ACAD9: variants seen among roughly 807,000 people sequenced by gnomAD.
The protein encoded by ACAD9 is complex I assembly factor ACAD9, mitochondrial.
Under a neutral mutation model 70.2 loss-of-function variants are expected in ACAD9, and 53 were observed. The ratio of observed to expected loss-of-function variants is 0.75; its 90% CI spans 0.61 to 0.95. The LOEUF (loss-of-function observed/expected upper bound fraction) is 0.95. Ranked by LOEUF, ACAD9 falls within the 40% of genes least tolerant of loss-of-function variation. The pLI is 0.00. For synonymous variants in ACAD9, 313 were observed against 312.1 expected (o/e 1.00, Z -0.03); for missense variants, 777 against 802.8 (o/e 0.97, Z 0.39).
At position 128,902,496 on chromosome 3, in the gene ACAD9, C is replaced by T. The variant is rs369533425; in HGVS notation, c.883-57C>T. ...TGATCCACCTGGCCTGGTTTCGTTG[C>T]GGCCTCCTCCCTCTGCCTCCTTCAG... On this transcript the variant is annotated intron_variant, in intron 8 of 17. Coordinates refer to ENST00000308982, the MANE Select transcript of ACAD9 (RefSeq NM_014049.5). The surrounding 1 kb of genome is among the most constrained non-coding windows in gnomAD (Gnocchi z 4.0). 31 of 1,587,010 alleles carry T rather than the reference C, an allele frequency of 2.0e-5. No individual in the cohort carries two copies. The African/African-American group carries it at 3.2e-4, about 17-fold the overall frequency.
At chr3:128,887,920 G>C (rs62268185) in intron 2 of ACAD9, among the ~76,000 whole-genome samples, 7,549 of 152,200 alleles carry the variant, frequency 0.05, 389 homozygotes, top group African/African-American at 0.12. Context: ...GCAGCCAGCA[G>C]TGCCACGGAA....
intron 9 of ACAD9, 86 bp from the exon 10 acceptor site, chr3:128,903,976 G>T: frequency 7.1e-7 from 1 of 1,399,808 alleles, no homozygotes; most frequent in Non-Finnish European, 1.0e-6. Flanking sequence ...CCCACCTGTG[G>T]GAAGGGTAAG....
chr3:128,881,146 TG>T (rs1336288487), intron 1 of ACAD9, among the ~76,000 whole-genome samples: 2 of 152,236 alleles, frequency 1.3e-5, no homozygotes, highest in Admixed American at 1.3e-4. Context: ...AAAAGCAGTT[TG>T]CCCAGCTAGA....
intron 6 of ACAD9, 140 bp from the exon 7 acceptor site, chr3:128,899,147 G>C: frequency 2.5e-6 from 2 of 795,008 alleles, no homozygotes; most frequent in Non-Finnish European, 4.1e-6. Flanking sequence ...ACTCATGCTT[G>C]GTTGGCTTCT....
chr3:128,899,215 T>C, intron 6 of ACAD9, 72 bp from the exon 7 acceptor site: 1 of 1,545,616 alleles, frequency 6.5e-7, no homozygotes, highest in Non-Finnish European at 8.9e-7. Flanking sequence ...TGGAGCTTGA[T>C]GGACAAAGAC....
intron 1 of ACAD9, chr3:128,880,167 T>G: frequency 1.7e-6 from 1 of 602,910 alleles, no homozygotes; most frequent in African/African-American, 1.9e-5. Context: ...TGTGCGGGGC[T>G]TCCTCTCTGA....
intron 7 of ACAD9, 61 bp downstream of exon 7, chr3:128,899,522 C>CA (rs1553731022): frequency 7.0e-6 from 8 of 1,146,296 alleles, no homozygotes; most frequent in Middle Eastern, 2.5e-4. Flanking sequence ...TGGCCTTTGA[C>CA]GGTGTGTGTG....
rs1170578635 is a variant in ACAD9 at position 128,896,510 on chromosome 3, A to G, written c.528A>G (p.Ala176=). ...AACTGGCGTCCGGGGAGCACATTGC[A>G]GCCTTCTGCCTCACGGAGCCAGCCA... ...LPKLASGEHI[A]AFCLTEPASG... The change falls in exon 5 of 18, where the codon GCA becomes GCG. Residue 176 remains alanine (A), a synonymous_variant. Transcript: ENST00000308982. The G allele has an allele frequency of 6.2e-7, 1 of 1,614,198 alleles. No individual in the cohort carries two copies. The highest frequency in any genetic ancestry group is 1.1e-5 in the South Asian group (1 of 91,088).
In ACAD9 at chr3:128,912,787, C is replaced by CAG. The variant is rs752061381; in HGVS notation, c.*181_*182dup. Reference sequence around the variant, plus strand: ...CCTCTTCCAGGTTTTGACCTGCAGGCAGTGCTCTCTAACAGGACCATCACA... The same window carrying CAG: ...CCTCTTCCAGGTTTTGACCTGCAGGCAGAGTGCTCTCTAACAGGACCATCACA... On this transcript the variant is annotated 3_prime_UTR_variant, in exon 18 of 18. Coordinates refer to ENST00000308982, the MANE Select transcript of ACAD9 (RefSeq NM_014049.5). 3.9e-5 allele frequency: 29 copies of CAG among 741,328 alleles called. No homozygotes were observed. The highest frequency in any genetic ancestry group is 2.8e-4 in the Admixed American group (16 of 58,026). The allele number at this position is 741,328 out of a possible 1,614,324, so 45.9% of individuals were successfully genotyped here.
intron 15 of ACAD9, 200 bp downstream of exon 15, chr3:128,909,621 G>T: frequency 1.5e-6 from 1 of 647,596 alleles, no homozygotes. Context: ...ACCCTTGCTG[G>T]GTGAGTTTTC....
At chr3:128,881,367 T>A (rs1935086608) in intron 1 of ACAD9, among the ~76,000 whole-genome samples, 1 of 152,208 alleles carries the variant, frequency 6.6e-6, no homozygotes, top group Non-Finnish European at 1.5e-5. Context: ...CCCATTCCAC[T>A]GGGAAAATCC....
intron 3 of ACAD9, among the ~76,000 whole-genome samples, chr3:128,894,006 C>A (rs756847041): frequency 6.6e-6 from 1 of 152,088 alleles, no homozygotes; most frequent in African/African-American, 2.4e-5. Context: ...GGCGGTTCTG[C>A]CTTATTAGAG....
Position 128,902,503 on chromosome 3 carries a change from C to T in ACAD9, c.883-50C>T. The T allele has an allele frequency of 6.2e-7, 1 of 1,604,608 alleles. No individual in the cohort carries two copies. The highest frequency in any genetic ancestry group is 8.5e-7 in the Non-Finnish European group (1 of 1,171,370). ...CCTGGCCTGGTTTCGTTGCGGCCTC[C>T]TCCCTCTGCCTCCTTCAGGGCCCCT... On this transcript the variant is annotated intron_variant, in intron 8 of 17. Transcript: ENST00000308982. The surrounding 1 kb of genome is among the most constrained non-coding windows in gnomAD (Gnocchi z 4.0).
At chr3:128,884,422 G>A (rs536128689) in intron 1 of ACAD9, among the ~76,000 whole-genome samples, 1 of 152,198 alleles carries the variant, frequency 6.6e-6, no homozygotes, top group East Asian at 1.9e-4. Flanking sequence ...GATGAAAATC[G>A]GGAAGAACCT....
chr3:128,904,319 T>C, intron 10 of ACAD9, 67 bp from the exon 11 acceptor site: 1 of 1,613,738 alleles, frequency 6.2e-7, no homozygotes, highest in Non-Finnish European at 8.5e-7. Context: ...TTACTTTCTC[T>C]CCTGTTTCAC....
chr3:128,897,009 C>T (rs1027459102), intron 5 of ACAD9, among the ~76,000 whole-genome samples: 12 of 152,184 alleles, frequency 7.9e-5, no homozygotes, highest in Admixed American at 2.6e-4. Flanking sequence ...AACCTGGGAA[C>T]AGTCATCCTT....
chr3:128,899,999 T>G (rs1026743254), intron 7 of ACAD9, among the ~76,000 whole-genome samples: 2 of 152,232 alleles, frequency 1.3e-5, no homozygotes, highest in Admixed American at 6.5e-5. Flanking sequence ...TGCTGTGATC[T>G]CAGCTCACTG....
chr3:128,897,785 A>G (rs749759310), intron 6 of ACAD9, 75 bp downstream of exon 6: 24 of 1,321,842 alleles, frequency 1.8e-5, no homozygotes, highest in Non-Finnish European at 2.6e-5. Context: ...CACTCTCCAC[A>G]CACCAGGGAT....
chr3:128,903,045 G>A (rs937383948), intron 9 of ACAD9, among the ~76,000 whole-genome samples: 11 of 152,072 alleles, frequency 7.2e-5, no homozygotes, highest in Admixed American at 3.3e-4. Flanking sequence ...CTGCATGGTG[G>A]GTGGGGAGTA....
Sources: gnomAD v4.1 joint callset for allele counts (sites outside exome capture counted in the v4.1 genomes callset) on GRCh38, gnomAD v4.1.1 for gene constraint, Gnocchi (gnomAD v3.1) non-coding constraint, MANE v1.5 for transcripts, NCBI Gene and HGNC (gene_info 2026-07-23, HGNC 2026-07-21) for gene names.